Variants in EPHB1 observed in about 807,000 individuals in gnomAD.
EPHB1 encodes the protein ephrin type-B receptor 1.
Under a neutral mutation model 94.4 loss-of-function variants are expected in EPHB1, and 30 were observed. The ratio of observed to expected loss-of-function variants is 0.32; its 90% CI spans 0.24 to 0.43. The LOEUF (loss-of-function observed/expected upper bound fraction) is 0.43. Among genes scored for constraint, EPHB1 ranks in the 20% least tolerant of loss-of-function variants. EPHB1 has a pLI of 1.00. For synonymous variants in EPHB1, 522 were observed against 489.1 expected (o/e 1.07, Z -0.89); for missense variants, 1,055 against 1,308.3 (o/e 0.81, Z 2.99).
At chr3:134,865,546 G>A (rs2037355388) in intron 1 of EPHB1, among the ~76,000 whole-genome samples, 1 of 151,616 alleles carries the variant, frequency 6.6e-6, no homozygotes, top group Non-Finnish European at 1.5e-5. Flanking sequence ...ATTCTTTGCA[G>A]CATTATTTAT....
intron 3 of EPHB1, among the ~76,000 whole-genome samples, chr3:135,073,036 A>G (rs1937778690): frequency 6.6e-6 from 1 of 152,150 alleles, no homozygotes; most frequent in African/African-American, 2.4e-5. Context: ...GGGACATTGA[A>G]TAAATGCAAG....
intron 3 of EPHB1, among the ~76,000 whole-genome samples, chr3:135,021,814 A>G (rs751753936): frequency 6.6e-6 from 1 of 152,212 alleles, no homozygotes; most frequent in Non-Finnish European, 1.5e-5. Context: ...AGAAAATAAC[A>G]CATATTAACT....
chr3:135,078,892 C>T (rs924798456), intron 3 of EPHB1, among the ~76,000 whole-genome samples: 1 of 152,200 alleles, frequency 6.6e-6, no homozygotes, highest in African/African-American at 2.4e-5. Context: ...CAGGCTCATG[C>T]CCTTTGCTGA....
rs1443861539 is a variant in EPHB1 at position 134,873,004 on chromosome 3, G to A, written c.59-52812G>A. Among the ~76,000 whole-genome samples, 3 of 152,314 alleles carry A rather than the reference G, an allele frequency of 2.0e-5. No individual in the cohort carries two copies. In the East Asian group the frequency reaches 5.8e-4, roughly 29 times the overall value. On this transcript the variant is annotated intron_variant, in intron 1 of 15. Transcript: ENST00000398015. ...ATCTCATGGACCAGACATGGCTCAT[G>A]TTTTAGCCACAATTCACACAGTGAC...
chr3:135,215,391 G>A (rs144744472), intron 12 of EPHB1, among the ~76,000 whole-genome samples: 53 of 152,200 alleles, frequency 3.5e-4, no homozygotes, highest in African/African-American at 1.2e-3. Flanking sequence ...TCAAACTCCC[G>A]ACCTCAGGTA....
chr3:134,875,804 A>G (rs530774109), intron 1 of EPHB1, among the ~76,000 whole-genome samples: 1 of 152,174 alleles, frequency 6.6e-6, no homozygotes, highest in African/African-American at 2.4e-5. Flanking sequence ...CATCCCAAAT[A>G]GAATAGGTCA....
In EPHB1 at chr3:135,020,123, T is replaced by A. The variant is rs115825788; in HGVS notation, c.805+68071T>A. 4.5e-3 allele frequency among the ~76,000 whole-genome samples: 692 copies of A among 152,362 alleles called. 11 individuals are homozygous for A. The highest frequency in any genetic ancestry group is 0.015 in the African/African-American group (636 of 41,580). On this transcript the variant is annotated intron_variant, in intron 3 of 15. Coordinates refer to ENST00000398015, the MANE Select transcript of EPHB1 (RefSeq NM_004441.5). ...TCTGTTCATTGATTTTTTTTCCAGC[T>A]TTCCAATGGTGTGTCAGTGTTTTAC...
chr3:135,258,538 C>T (rs141857293), intron 15 of EPHB1, among the ~76,000 whole-genome samples: 6 of 152,258 alleles, frequency 3.9e-5, no homozygotes, highest in African/African-American at 1.4e-4. Context: ...TTAAAATTCA[C>T]ATGGAGGCAG....
chr3:135,204,935 C>T (rs368796960), intron 12 of EPHB1, among the ~76,000 whole-genome samples: 1 of 141,372 alleles, frequency 7.1e-6, no homozygotes, highest in African/African-American at 2.6e-5. Context: ...CCTACCACCA[C>T]CCCCTACCAC....
intron 3 of EPHB1, among the ~76,000 whole-genome samples, chr3:135,001,579 C>G (rs796294326): frequency 2.7e-4 from 41 of 152,322 alleles, no homozygotes; most frequent in African/African-American, 9.6e-4. Context: ...GCAAAGCCTT[C>G]CCTCACCACT....
intron 12 of EPHB1, among the ~76,000 whole-genome samples, chr3:135,226,300 C>T (rs992454693): frequency 1.2e-4 from 18 of 152,218 alleles, no homozygotes; most frequent in Non-Finnish European, 2.5e-4. Flanking sequence ...TGCCCTACCG[C>T]GGCACTCTTC....
rs535307287 is a variant in EPHB1 at position 135,157,138 on chromosome 3, C to T, written c.1422+2862C>T. On this transcript the variant is annotated intron_variant, in intron 6 of 15. Transcript: ENST00000398015. ...ACAAAGAAGTTAATAAAACAAAAAC[C>T]TTGTCCAGAGTCCCACAGCTGGGAA... Among the ~76,000 whole-genome samples, 81 of 152,286 alleles carry T rather than the reference C, an allele frequency of 5.3e-4. 1 individual carries two copies. The highest frequency in any genetic ancestry group is 2.0e-3 in the Admixed American group (31 of 15,294).
chr3:134,839,720 A>T (rs1236535512), intron 1 of EPHB1, among the ~76,000 whole-genome samples: 2 of 152,266 alleles, frequency 1.3e-5, no homozygotes, highest in South Asian at 4.1e-4. Context: ...GTAATGGGGG[A>T]TGGATCTCAG....
intron 9 of EPHB1, among the ~76,000 whole-genome samples, chr3:135,167,872 G>A (rs1436475133): frequency 6.6e-6 from 1 of 152,150 alleles, no homozygotes; most frequent in African/African-American, 2.4e-5. Flanking sequence ...GCAAAGTAAG[G>A]CTGGTGCTTC....
At chr3:135,076,606 G>C (rs1479913908) in intron 3 of EPHB1, among the ~76,000 whole-genome samples, 5 of 152,124 alleles carry the variant, frequency 3.3e-5, no homozygotes, top group African/African-American at 1.2e-4. Context: ...TTACTCAAGA[G>C]AATGAAAACA....
At chr3:135,009,194 C>A (rs1234340324) in intron 3 of EPHB1, among the ~76,000 whole-genome samples, 3 of 152,146 alleles carry the variant, frequency 2.0e-5, no homozygotes, top group African/African-American at 7.2e-5. Flanking sequence ...GATGCCTGGC[C>A]CATCTCCAGA....
chr3:134,892,581 T>G (rs553689827), intron 1 of EPHB1, among the ~76,000 whole-genome samples: 8 of 152,340 alleles, frequency 5.3e-5, no homozygotes, highest in South Asian at 2.1e-4. Flanking sequence ...GAGCAGTTGG[T>G]GTTTAAAGTC....
At chr3:134,882,765 C>CCTTCCTTTCTTTTTTCTTTCTTTCTTT in intron 1 of EPHB1, among the ~76,000 whole-genome samples, 1 of 79,930 alleles carries the variant, frequency 1.3e-5, no homozygotes, top group East Asian at 3.7e-4. Flanking sequence ...TTCCTTCCTT[C>CCTTCCTTTCTTTTTTCTTTCTTTCTTT]CTTTCTTTCT....
At chr3:135,039,235 AGAGT>A (rs926375146) in intron 3 of EPHB1, among the ~76,000 whole-genome samples, 11 of 152,156 alleles carry the variant, frequency 7.2e-5, no homozygotes, top group Non-Finnish European at 1.0e-4. Context: ...AGCTAGATAG[AGAGT>A]GTCGATTGGT....
Sources: gnomAD v4.1 joint callset for allele counts (sites outside exome capture counted in the v4.1 genomes callset) on GRCh38, gnomAD v4.1.1 for gene constraint, MANE v1.5 for transcripts, NCBI Gene and HGNC (gene_info 2026-07-23, HGNC 2026-07-21) for gene names.